SMOC2: variants seen among roughly 807,000 people sequenced by gnomAD.
SMOC2 encodes SPARC related modular calcium binding 2.
SMOC2 carries 39 observed loss-of-function variants against 61.4 expected under a neutral mutation model. The observed-to-expected ratio is 0.64, with a 90% confidence interval of 0.49 to 0.83. SMOC2 has a LOEUF of 0.83. Among genes scored for constraint, SMOC2 ranks in the 40% least tolerant of loss-of-function variants. The pLI, the probability that SMOC2 is intolerant of heterozygous loss-of-function variation, is 0.00. For missense variants in SMOC2, 556 were observed against 592.9 expected, an observed-to-expected ratio of 0.94 and a Z score of 0.65; for synonymous variants, 247 against 239.9, an observed-to-expected ratio of 1.03 and a Z score of -0.27.
At chr6:168,567,011 A>G (rs2342630) in intron 7 of SMOC2, among the ~76,000 whole-genome samples, 80,676 of 152,066 alleles carry the variant, frequency 0.53, 23,709 homozygotes, top group African/African-American at 0.8. Flanking sequence ...CTAACCTCGC[A>G]TTTTTATAGC....
At chr6:168,521,395 C>T (rs1304321084) in intron 2 of SMOC2, among the ~76,000 whole-genome samples, 5 of 151,970 alleles carry the variant, frequency 3.3e-5, no homozygotes, top group African/African-American at 7.2e-5. Flanking sequence ...GTGATGCACC[C>T]GCCTTGGCCT....
chr6:168,576,159 C>T (rs1784799343), intron 7 of SMOC2, among the ~76,000 whole-genome samples: 1 of 152,086 alleles, frequency 6.6e-6, no homozygotes. Flanking sequence ...CCAGTCAGCC[C>T]TGTGTAGGTT....
intron 1 of SMOC2, among the ~76,000 whole-genome samples, chr6:168,471,060 G>T (rs1185224750): frequency 6.6e-6 from 1 of 152,054 alleles, no homozygotes; most frequent in Non-Finnish European, 1.5e-5. Context: ...ATTTTTAATT[G>T]AAGTAAAATA....
chr6:168,649,191 G>A (rs1885633), intron 9 of SMOC2, among the ~76,000 whole-genome samples: 29,860 of 152,230 alleles, frequency 0.2, 3,057 homozygotes, highest in Non-Finnish European at 0.22. Context: ...GCAGCTCTCC[G>A]CGTCCTCCAC....
chr6:168,546,838 CCT>C (rs1284197402), intron 5 of SMOC2, among the ~76,000 whole-genome samples: 1 of 152,214 alleles, frequency 6.6e-6, no homozygotes, highest in Non-Finnish European at 1.5e-5. Context: ...TGCCCTATGG[CCT>C]GTGATTGGCT....
At chr6:168,524,921 CG>C (rs1783419214) in intron 2 of SMOC2, among the ~76,000 whole-genome samples, 1 of 152,226 alleles carries the variant, frequency 6.6e-6, no homozygotes, top group Non-Finnish European at 1.5e-5. Context: ...TGTAGGAGCC[CG>C]CTGTGACGGG....
In SMOC2 at chr6:168,537,056, G is replaced by A. The variant is rs137936545; in HGVS notation, c.464-6569G>A. Among the ~76,000 whole-genome samples the A allele has an allele frequency of 7.7e-3, 1,174 of 152,356 alleles. 18 individuals carry two copies. Among genetic ancestry groups the A allele is most frequent in the African/African-American group, 0.027 (1,131 of 41,578 alleles). On this transcript the variant is annotated intron_variant, in intron 4 of 12. Transcript: ENST00000356284. Reference sequence around the variant, plus strand: ...AGACAAGCCCGTGGTCACCTCCCTCGGCCGGCCAGTGCCGGGATTCTGGCT... The same window carrying A: ...AGACAAGCCCGTGGTCACCTCCCTCAGCCGGCCAGTGCCGGGATTCTGGCT...
chr6:168,564,057 G>A (rs546848867), intron 7 of SMOC2, among the ~76,000 whole-genome samples: 6 of 152,292 alleles, frequency 3.9e-5, no homozygotes, highest in Admixed American at 2.6e-4. Flanking sequence ...ATCTTAAAAT[G>A]TACAGATCAC....
chr6:168,648,589 G>GT (rs1200201581), intron 9 of SMOC2, among the ~76,000 whole-genome samples: 30 of 152,372 alleles, frequency 2.0e-4, no homozygotes, highest in Non-Finnish European at 3.2e-4. Context: ...CTGAGGGGAT[G>GT]TTCGATGAGA....
At chr6:168,623,260 T>C (rs967600704) in intron 9 of SMOC2, among the ~76,000 whole-genome samples, 1 of 151,852 alleles carries the variant, frequency 6.6e-6, no homozygotes, top group Non-Finnish European at 1.5e-5. Context: ...GCTGCGGGGA[T>C]TCCAGTCAGG....
intron 1 of SMOC2, among the ~76,000 whole-genome samples, chr6:168,483,699 C>A (rs1221048810): frequency 6.6e-6 from 1 of 152,122 alleles, no homozygotes. Flanking sequence ...TTTCAAATCT[C>A]ATTACAAAGC....
chr6:168,565,020 C>G (rs10945518), intron 7 of SMOC2, among the ~76,000 whole-genome samples: 79,388 of 152,104 alleles, frequency 0.52, 22,523 homozygotes, highest in African/African-American at 0.76. Context: ...AAAAGGCAAT[C>G]CTATTTTAAA....
chr6:168,539,589 G>A (rs1465051720), intron 4 of SMOC2, among the ~76,000 whole-genome samples: 2 of 152,246 alleles, frequency 1.3e-5, no homozygotes, highest in African/African-American at 2.4e-5. Flanking sequence ...ACCGGCTCTA[G>A]CAGGCTGCTG....
intron 9 of SMOC2, among the ~76,000 whole-genome samples, chr6:168,609,757 G>A (rs6932414): frequency 0.9 from 136,712 of 152,254 alleles, 61,461 homozygotes; most frequent in Middle Eastern, 0.98. Context: ...CTTGTCACGT[G>A]CACTTCAATC....
intron 4 of SMOC2, among the ~76,000 whole-genome samples, chr6:168,539,655 G>C (rs1783831710): frequency 1.3e-5 from 2 of 152,256 alleles, no homozygotes; most frequent in Non-Finnish European, 2.9e-5. Flanking sequence ...GCTCCTAACA[G>C]GTGGGGCTTG....
chr6:168,459,618 C>T (rs1781673251), intron 1 of SMOC2, among the ~76,000 whole-genome samples: 2 of 59,624 alleles, frequency 3.4e-5, no homozygotes, highest in Non-Finnish European at 6.3e-5. Context: ...GTGGGTGAGC[C>T]CTGGGGTGGG....
chr6:168,517,799 C>G (rs747378489), intron 2 of SMOC2, among the ~76,000 whole-genome samples: 7 of 152,274 alleles, frequency 4.6e-5, no homozygotes, highest in Admixed American at 3.3e-4. Flanking sequence ...TGGGAACCCC[C>G]TGTGGGGGTG....
intron 1 of SMOC2, among the ~76,000 whole-genome samples, chr6:168,451,601 C>CTG (rs1781465635): frequency 1.3e-5 from 1 of 76,512 alleles, no homozygotes; most frequent in African/African-American, 1.3e-4. Context: ...CTGTCTCTGT[C>CTG]TCTCTCTCTC....
At chr6:168,469,400 G>A (rs1022924377) in intron 1 of SMOC2, among the ~76,000 whole-genome samples, 14 of 152,158 alleles carry the variant, frequency 9.2e-5, no homozygotes, top group Admixed American at 8.5e-4. Context: ...CTTTGCTAGG[G>A]GTAATTTAGT....
Sources: allele counts gnomAD v4.1 joint callset (sites outside exome capture counted in the v4.1 genomes callset), GRCh38; gene constraint gnomAD v4.1.1; transcripts MANE v1.5; gene names NCBI Gene and HGNC (gene_info 2026-07-23, HGNC 2026-07-21).